Variants in HHLA1 observed in about 807,000 individuals in gnomAD.
HHLA1 encodes HHLA1 neighbor of OC90.
HHLA1 carries 72 observed loss-of-function variants against 69.9 expected under a neutral mutation model. The observed-to-expected ratio is 1.03, with a 90% confidence interval of 0.85 to 1.25. The LOEUF is 1.25. Among genes scored for constraint, HHLA1 ranks in the 50% most tolerant of loss-of-function variants. The probability of loss-of-function intolerance (pLI) is 0.00; values close to 1 mark genes in which losing one functional copy is unlikely to be tolerated. For missense variants in HHLA1, 685 were observed against 642.2 expected, an observed-to-expected ratio of 1.07 and a Z score of -0.72; for synonymous variants, 252 against 233.2, an observed-to-expected ratio of 1.08 and a Z score of -0.73.
intron 5 of HHLA1, among the ~76,000 whole-genome samples, chr8:132,096,961 C>T (rs989425611): frequency 6.6e-5 from 10 of 152,268 alleles, no homozygotes; most frequent in Non-Finnish European, 1.2e-4. Context: ...AGGCATGACC[C>T]ACTGTGCCCG....
chr8:132,109,575 C>CTT (rs1387669622), intron 1 of HHLA1, among the ~76,000 whole-genome samples: 1 of 152,170 alleles, frequency 6.6e-6, no homozygotes, highest in Admixed American at 6.5e-5. Flanking sequence ...TGAGCACAGT[C>CTT]TGTTATTTCA....
chr8:132,106,268 A>G (rs1824200254), intron 1 of HHLA1, among the ~76,000 whole-genome samples: 1 of 152,228 alleles, frequency 6.6e-6, no homozygotes, highest in Non-Finnish European at 1.5e-5. Context: ...CAGGAAGGGA[A>G]CATCCTCAGG....
In HHLA1 at chr8:132,078,837, G is replaced by T. The variant is rs185051233; in HGVS notation, c.926-866C>A. Reference sequence around the variant, plus strand: ...AATGAATTCTGATGACTGAATGAATGAATTCTGATGACAATATTGTCTCAG... The same window carrying T: ...AATGAATTCTGATGACTGAATGAATTAATTCTGATGACAATATTGTCTCAG... On this transcript the variant is annotated intron_variant, in intron 11 of 16. Coordinates refer to ENST00000414222, the MANE Select transcript of HHLA1 (RefSeq NM_001145095.3). Among the ~76,000 whole-genome samples, 654 of 152,296 alleles carry T rather than the reference G, an allele frequency of 4.3e-3. 6 individuals are homozygous for T. The highest frequency in any genetic ancestry group is 0.015 in the African/African-American group (629 of 41,562).
At chr8:132,070,336 C>T in intron 15 of HHLA1, 2 of 701,746 alleles carry the variant, frequency 2.9e-6, no homozygotes, top group Non-Finnish European at 5.2e-6. Flanking sequence ...TTAAGTTTTC[C>T]AACTTATTTT....
chr8:132,084,517 A>G (rs1285461472), intron 10 of HHLA1, among the ~76,000 whole-genome samples: 5 of 152,196 alleles, frequency 3.3e-5, no homozygotes, highest in Admixed American at 3.3e-4. Context: ...AGAATTATTT[A>G]GATTTTGCAG....
intron 3 of HHLA1, among the ~76,000 whole-genome samples, chr8:132,101,570 T>C (rs1824111441): frequency 7.0e-6 from 1 of 142,264 alleles, no homozygotes; most frequent in Admixed American, 7.6e-5. Flanking sequence ...TAACATGAAA[T>C]CTACCCTATT....
chr8:132,091,935 C>T (rs1823952314), intron 7 of HHLA1, among the ~76,000 whole-genome samples: 1 of 152,148 alleles, frequency 6.6e-6, no homozygotes, highest in South Asian at 2.1e-4. Flanking sequence ...AGTGATTTTA[C>T]ACAGGTGTTC....
intron 1 of HHLA1, among the ~76,000 whole-genome samples, chr8:132,107,815 A>G (rs566818043): frequency 7.6e-6 from 1 of 131,306 alleles, no homozygotes; most frequent in South Asian, 2.6e-4. Flanking sequence ...TATCTCATGC[A>G]ATATTTGGAA....
rs2130872192 is a variant in HHLA1, at chr8:132,064,638, G to GA, written c.1553-601dup. ...AAATAAGGACCCTGTGTTTGGGAAAGAAAAAAATAATGGAGGCAGAAGGAA... is the reference window on the plus strand; with the variant it reads ...AAATAAGGACCCTGTGTTTGGGAAAGAAAAAAAATAATGGAGGCAGAAGGAA... On this transcript the variant is annotated intron_variant, in intron 16 of 16. Coordinates refer to ENST00000414222, the MANE Select transcript of HHLA1 (RefSeq NM_001145095.3). Among the ~76,000 whole-genome samples the GA allele has an allele frequency of 2.0e-5, 3 of 152,096 alleles. No individual in the cohort carries two copies. The East Asian group carries it at 5.8e-4, about 29-fold the overall frequency.
Position 132,062,504 on chromosome 8 carries a change from A to G in HHLA1, c.*1491T>C, listed in dbSNP as rs1823369267. On this transcript the variant is annotated 3_prime_UTR_variant, in exon 17 of 17. Transcript: ENST00000414222. ...GGGCAGCCCTAGGTCACAAAAGGGT[A>G]AAAAAAATACTCATGGCCCAGCAGA... 1 of 151,912 alleles carries G rather than the reference A, an allele frequency of 6.6e-6. No homozygotes were observed. The highest frequency in any genetic ancestry group is 1.5e-5 in the Non-Finnish European group (1 of 67,980). The allele number at this position is 151,912 out of a possible 1,614,324, so 9.4% of individuals were successfully genotyped here. A position where few individuals can be genotyped will look rare whatever the true frequency, so the allele number is the denominator to read the frequency against.
chr8:132,080,781 G>A (rs1823738201), intron 10 of HHLA1: 1 of 152,290 alleles, frequency 6.6e-6, no homozygotes, highest in Admixed American at 6.5e-5. Context: ...GAGAGAATGG[G>A]CGATGTTTCT....
chr8:132,086,255 C>T (rs1055419129), intron 10 of HHLA1, among the ~76,000 whole-genome samples: 19 of 152,094 alleles, frequency 1.2e-4, no homozygotes, highest in African/African-American at 4.3e-4. Flanking sequence ...CATAGAGTCC[C>T]GTTGGGAAGA....
chr8:132,076,165 A>G, intron 13 of HHLA1, 36 bp from the exon 14 acceptor site: 1 of 1,439,520 alleles, frequency 6.9e-7, no homozygotes, highest in South Asian at 1.2e-5. Flanking sequence ...AGAAGTCAGA[A>G]TGGAATTACC....
At position 132,087,032 on chromosome 8, in the gene HHLA1, C is replaced by T. The variant is rs113467142; in HGVS notation, c.676+621G>A. On this transcript the variant is annotated intron_variant, in intron 10 of 16. Transcript: ENST00000414222. ...TCAACTGTGTTGCAACCTGGAGTAA[C>T]GTAGAGTCCAAATGACATACAAGTG... Among the ~76,000 whole-genome samples, 706 of 152,242 alleles carry T rather than the reference C, an allele frequency of 4.6e-3. 3 individuals are homozygous for T. Among genetic ancestry groups the T allele is most frequent in the African/African-American group, 0.016 (648 of 41,520 alleles).
intron 10 of HHLA1, among the ~76,000 whole-genome samples, chr8:132,082,248 T>C (rs1056863697): frequency 2.0e-5 from 3 of 152,198 alleles, no homozygotes; most frequent in African/African-American, 7.2e-5. Context: ...TTATGAGAAC[T>C]GTAGAGAGTG....
At chr8:132,101,277 A>C in intron 3 of HHLA1, 1 of 1,550,134 alleles carries the variant, frequency 6.5e-7, no homozygotes, top group East Asian at 2.4e-5. Context: ...CCAGACACTG[A>C]AATAAAAGTT....
At chr8:132,100,826 G>T (rs1166361756) in intron 3 of HHLA1, among the ~76,000 whole-genome samples, 1 of 152,192 alleles carries the variant, frequency 6.6e-6, no homozygotes, top group African/African-American at 2.4e-5. Context: ...GATGGAGAAG[G>T]CCTTCTTGTG....
intron 15 of HHLA1, among the ~76,000 whole-genome samples, chr8:132,068,321 A>T (rs1823474277): frequency 6.6e-6 from 1 of 152,202 alleles, no homozygotes; most frequent in South Asian, 2.1e-4. Context: ...TGCCTCTATG[A>T]TCAGGAGAGA....
At chr8:132,093,710 C>A (rs576176136) in intron 7 of HHLA1, among the ~76,000 whole-genome samples, 2 of 152,270 alleles carry the variant, frequency 1.3e-5, no homozygotes, top group South Asian at 4.2e-4. Context: ...TATAAACTTT[C>A]TCCAGGCAGA....
Sources: gnomAD v4.1 joint callset for allele counts (sites outside exome capture counted in the v4.1 genomes callset) on GRCh38, gnomAD v4.1.1 for gene constraint, MANE v1.5 for transcripts, NCBI Gene and HGNC (gene_info 2026-07-23, HGNC 2026-07-21) for gene names.